NDUFAF2: variants seen among roughly 807,000 people sequenced by gnomAD.
NDUFAF2 encodes the protein NADH:ubiquinone oxidoreductase complex assembly factor 2, also known as NADH dehydrogenase [ubiquinone] 1 alpha subcomplex assembly factor 2.
NDUFAF2 carries 13 observed loss-of-function variants against 22.8 expected under a neutral mutation model. The observed-to-expected ratio is 0.57, with a 90% CI of 0.37 to 0.91. The LOEUF (loss-of-function observed/expected upper bound fraction) is 0.91. Among genes scored for constraint, NDUFAF2 ranks in the 40% least tolerant of loss-of-function variants. The pLI, the probability that NDUFAF2 is intolerant of heterozygous loss-of-function variation, is 0.01. For missense variants in NDUFAF2, 162 were observed against 195.2 expected (o/e 0.83, Z 1.01); for synonymous variants, 53 against 64.2 (o/e 0.83, Z 0.84).
chr5:60,975,891 G>A (rs577686334), intron 1 of NDUFAF2, among the ~76,000 whole-genome samples: 1 of 152,236 alleles, frequency 6.6e-6, no homozygotes, highest in East Asian at 1.9e-4. Context: ...ATTGGATTTA[G>A]CAACATGTAG....
At chr5:60,995,571 G>T (rs1475419731) in intron 1 of NDUFAF2, among the ~76,000 whole-genome samples, 1 of 152,224 alleles carries the variant, frequency 6.6e-6, no homozygotes, top group Non-Finnish European at 1.5e-5. Context: ...AAAGCCAGGG[G>T]TGAAGTGCAA....
intron 1 of NDUFAF2, among the ~76,000 whole-genome samples, chr5:61,054,119 A>C (rs1225192203): frequency 6.6e-6 from 1 of 152,048 alleles, no homozygotes; most frequent in African/African-American, 2.4e-5. Flanking sequence ...GAGGATTTTT[A>C]GAGCCCAGGA....
At chr5:60,974,172 T>C (rs1368401250) in intron 1 of NDUFAF2, among the ~76,000 whole-genome samples, 1 of 152,182 alleles carries the variant, frequency 6.6e-6, no homozygotes, top group Non-Finnish European at 1.5e-5. Context: ...TGCTGCTAGA[T>C]TAAAGCAGGC....
chr5:61,135,030 A>G (rs1047723080), intron 3 of NDUFAF2, among the ~76,000 whole-genome samples: 1 of 151,998 alleles, frequency 6.6e-6, no homozygotes, highest in Admixed American at 6.6e-5. Context: ...AAATAAATAT[A>G]TTAATATTCT....
chr5:61,065,879 C>A (rs1752220599), intron 1 of NDUFAF2, among the ~76,000 whole-genome samples: 1 of 151,528 alleles, frequency 6.6e-6, no homozygotes, highest in Admixed American at 6.6e-5. Context: ...AAAAGGCATC[C>A]AAATCAGAAA....
At chr5:61,017,742 G>T (rs1267061770) in intron 1 of NDUFAF2, among the ~76,000 whole-genome samples, 1 of 149,838 alleles carries the variant, frequency 6.7e-6, no homozygotes, top group African/African-American at 2.4e-5. Context: ...CTGTCTCTTT[G>T]TATTTATTTA....
chr5:60,956,444 T>G (rs1347543711), intron 1 of NDUFAF2, among the ~76,000 whole-genome samples: 1 of 152,184 alleles, frequency 6.6e-6, no homozygotes, highest in Non-Finnish European at 1.5e-5. Flanking sequence ...GAGGAAAAGC[T>G]GTCTGTTTTT....
intron 1 of NDUFAF2, among the ~76,000 whole-genome samples, chr5:61,012,076 C>T (rs1169135993): frequency 1.3e-5 from 2 of 152,214 alleles, no homozygotes; most frequent in Non-Finnish European, 2.9e-5. Flanking sequence ...TCCTTATTCT[C>T]ATTTTACCAT....
chr5:61,132,127 C>T (rs566337594), intron 3 of NDUFAF2, among the ~76,000 whole-genome samples: 2 of 152,290 alleles, frequency 1.3e-5, no homozygotes, highest in African/African-American at 4.8e-5. Flanking sequence ...TATTTACTTA[C>T]ATTCACTAGC....
intron 1 of NDUFAF2, among the ~76,000 whole-genome samples, chr5:60,986,949 A>T (rs530649720): frequency 4.6e-5 from 7 of 151,654 alleles, no homozygotes; most frequent in African/African-American, 1.7e-4. Context: ...AAAAAAAAAA[A>T]AAAAAAGAAA....
intron 1 of NDUFAF2, among the ~76,000 whole-genome samples, chr5:61,006,946 A>G (rs1294612020): frequency 1.3e-5 from 2 of 152,020 alleles, no homozygotes; most frequent in Admixed American, 1.3e-4. Flanking sequence ...AGCTGTCAAT[A>G]TTTATCTCTT....
At chr5:61,009,983 A>G (rs545259873) in intron 1 of NDUFAF2, among the ~76,000 whole-genome samples, 19 of 152,222 alleles carry the variant, frequency 1.2e-4, no homozygotes, top group Middle Eastern at 3.4e-3. Context: ...TGAGAGTCAG[A>G]CTTAACTCTT....
chr5:61,095,985 C>T (rs146547568), intron 2 of NDUFAF2, among the ~76,000 whole-genome samples: 104 of 152,228 alleles, frequency 6.8e-4, no homozygotes, highest in African/African-American at 2.3e-3. Context: ...TGTTTCTAGT[C>T]GTCCATCTTG....
intron 2 of NDUFAF2, among the ~76,000 whole-genome samples, chr5:61,097,304 A>T (rs1417441610): frequency 6.6e-6 from 1 of 152,202 alleles, no homozygotes; most frequent in African/African-American, 2.4e-5. Flanking sequence ...AGACTACTAA[A>T]CATCATAGCT....
chr5:61,133,755 A>C (rs1753140710), intron 3 of NDUFAF2, among the ~76,000 whole-genome samples: 2 of 152,222 alleles, frequency 1.3e-5, no homozygotes, highest in Admixed American at 1.3e-4. Flanking sequence ...GAGTAAACAC[A>C]GACAGAGCCA....
intron 1 of NDUFAF2, among the ~76,000 whole-genome samples, chr5:60,984,761 A>G (rs1012032664): frequency 6.6e-5 from 10 of 152,162 alleles, no homozygotes; most frequent in African/African-American, 2.4e-4. Flanking sequence ...ATCATGGTGG[A>G]TAAGCTTTTT....
At chr5:60,972,535 C>T (rs1750848686) in intron 1 of NDUFAF2, among the ~76,000 whole-genome samples, 1 of 152,090 alleles carries the variant, frequency 6.6e-6, no homozygotes, top group Admixed American at 6.6e-5. Context: ...TCTGAGGCCT[C>T]CCAGGTATGC....
intron 1 of NDUFAF2, among the ~76,000 whole-genome samples, chr5:60,959,257 T>C (rs968937660): frequency 2.0e-5 from 3 of 152,072 alleles, no homozygotes; most frequent in African/African-American, 7.2e-5. Context: ...ACATTTCAGA[T>C]TTTTCCAGTA....
At chr5:60,994,604 T>C (rs1751204607) in intron 1 of NDUFAF2, among the ~76,000 whole-genome samples, 1 of 152,268 alleles carries the variant, frequency 6.6e-6, no homozygotes, top group East Asian at 1.9e-4. Flanking sequence ...TTTCTTTTGC[T>C]GCTTTTAGGA....
Sources: gnomAD v4.1 joint callset for allele counts (sites outside exome capture counted in the v4.1 genomes callset) on GRCh38, gnomAD v4.1.1 for gene constraint, MANE v1.5 for transcripts, NCBI Gene and HGNC (gene_info 2026-07-23, HGNC 2026-07-21) for gene names.